The following SLURP1 variants were observed in gnomAD, a reference collection of about 807,000 sequenced individuals.
SLURP1 encodes the protein secreted LY6/PLAUR domain containing 1.
In SLURP1, 2 loss-of-function variants were observed where a neutral mutation model predicts 7.9. That is an observed-to-expected ratio of 0.25 (90% CI 0.10 to 0.79). The LOEUF is 0.79. SLURP1 is among the 30% of genes least tolerant of loss of function. The pLI is 0.69. For missense variants in SLURP1, 111 were observed against 139.8 expected (o/e 0.79, Z 1.04); for synonymous variants, 59 against 54.9 (o/e 1.07, Z -0.33).
In SLURP1 at chr8:142,741,906, G is replaced by C; in HGVS notation, c.75C>G (p.Cys25Trp). ...WSMGCGEALK[C>W]YTCKEPMTSA... Reference sequence around the variant, plus strand: ...TGGTCATGGGCTCCTTGCAGGTGTAGCACTTGAGGGCCTCACCTGGGTGAG... The same window carrying C: ...TGGTCATGGGCTCCTTGCAGGTGTACCACTTGAGGGCCTCACCTGGGTGAG... Residue 25 changes from cysteine to tryptophan, a missense_variant, in exon 2 of 3, where the codon TGC becomes TGG. Physicochemically the swap from Cys to Trp is radical, Grantham distance 215 (BLOSUM62 -2). Coordinates refer to ENST00000246515, the MANE Select transcript of SLURP1 (RefSeq NM_020427.3). This position sits in a 1 kb window ranked among gnomAD's most constrained non-coding sequence, Gnocchi z 4.3. 6.2e-7 allele frequency: 1 copy of C among 1,612,598 alleles called. No individual in the cohort carries two copies. The highest frequency in any genetic ancestry group is 8.5e-7 in the Non-Finnish European group (1 of 1,179,988).
chr8:142,742,204 G>T, intron 1 of SLURP1, 124 bp downstream of exon 1: 2 of 1,116,078 alleles, frequency 1.8e-6, no homozygotes, highest in South Asian at 1.3e-5. Context: ...AGAATGAGGA[G>T]GGTGAGCCTC....
chr8:142,741,406 A>G lies in SLURP1; in HGVS notation c.179-130T>C. The G allele has an allele frequency of 1.5e-6, 2 of 1,304,928 alleles. No homozygotes were observed. Among genetic ancestry groups the G allele is most frequent in the South Asian group, 2.9e-5 (2 of 69,444 alleles). 80.8% of individuals were successfully genotyped at this position (1,304,928 alleles called of 1,614,324 possible). A position where few individuals can be genotyped will look rare whatever the true frequency, so the allele number is the denominator to read the frequency against. On this transcript the variant is annotated intron_variant, in intron 2 of 2. Transcript: ENST00000246515. This position sits in a 1 kb window ranked among gnomAD's most constrained non-coding sequence, Gnocchi z 4.3. ...TGTTCCCAATAGTCCACATCTGTGAAGCCACCCAGGGCCCAGCCCTCCTCT... is the reference window on the plus strand; with the variant it reads ...TGTTCCCAATAGTCCACATCTGTGAGGCCACCCAGGGCCCAGCCCTCCTCT...
Position 142,741,177 on chromosome 8 carries a change from CAGA to C in SLURP1, c.275_277del (p.Phe92del). The C allele has an allele frequency of 6.2e-7, 1 of 1,608,848 alleles. No homozygotes were observed. The highest frequency in any genetic ancestry group is 8.5e-7 in the Non-Finnish European group (1 of 1,179,964). On this transcript the variant is annotated inframe_deletion, in exon 3 of 3. Coordinates refer to ENST00000246515, the MANE Select transcript of SLURP1 (RefSeq NM_020427.3). This position sits in a 1 kb window ranked among gnomAD's most constrained non-coding sequence, Gnocchi z 4.3. Reference sequence around the variant, plus strand: ...CGAGTTGCAGAGGTCTCGGAAGCAGCAGAAGATCAGGTGGGCGGCCCCGATGCT... The same window carrying C: ...CGAGTTGCAGAGGTCTCGGAAGCAGCAGATCAGGTGGGCGGCCCCGATGCT...
rs1815870799 is a variant in SLURP1 at position 142,741,662 on chromosome 8, CT to C, written c.178+140del. Reference sequence around the variant, plus strand: ...TGTGCCACCCTCGTGGAAGGCACCCCTGCCAAGGTGTGGCAGCCTGTTCTGC... The same window carrying C: ...TGTGCCACCCTCGTGGAAGGCACCCCGCCAAGGTGTGGCAGCCTGTTCTGC... On this transcript the variant is annotated intron_variant, in intron 2 of 2. Coordinates refer to ENST00000246515, the MANE Select transcript of SLURP1 (RefSeq NM_020427.3). The surrounding 1 kb of genome is among the most constrained non-coding windows in gnomAD (Gnocchi z 4.3). 1 of 1,387,516 alleles carries C rather than the reference CT, an allele frequency of 7.2e-7. No homozygotes were observed. Among genetic ancestry groups the C allele is most frequent in the South Asian group, 1.2e-5 (1 of 82,460 alleles). The allele number at this position is 1,387,516 out of a possible 1,614,324, so 86.0% of individuals were successfully genotyped here. A position where few individuals can be genotyped will look rare whatever the true frequency, so the allele number is the denominator to read the frequency against.
chr8:142,742,210 G>A (rs1815882672), intron 1 of SLURP1, 118 bp downstream of exon 1: 1 of 1,159,726 alleles, frequency 8.6e-7, no homozygotes, highest in Non-Finnish European at 1.3e-6. Flanking sequence ...AGGAGGGTGA[G>A]CCTCATGGAG....
At position 142,741,657 on chromosome 8, in the gene SLURP1, C is replaced by T; in HGVS notation, c.178+146G>A. On this transcript the variant is annotated intron_variant, in intron 2 of 2. Transcript: ENST00000246515. This position sits in a 1 kb window ranked among gnomAD's most constrained non-coding sequence, Gnocchi z 4.3. ...GGGGCTGTGCCACCCTCGTGGAAGG[C>T]ACCCCTGCCAAGGTGTGGCAGCCTG... is the stretch of plus-strand genomic sequence containing the variant. 7.5e-7 allele frequency: 1 copy of T among 1,331,544 alleles called. No homozygotes were observed. The highest frequency in any genetic ancestry group is 1.2e-5 in the South Asian group (1 of 80,396). 82.5% of individuals were successfully genotyped at this position (1,331,544 alleles called of 1,614,324 possible). A position where few individuals can be genotyped will look rare whatever the true frequency, so the allele number is the denominator to read the frequency against.
chr8:142,741,043 G>A lies in SLURP1; in HGVS notation c.*100C>T. ...CCCTCAGACCCCATGAGTGAGCTGTGCCACAGCAGCAGGAAGCAGGGGGAG... is the reference window on the plus strand; with the variant it reads ...CCCTCAGACCCCATGAGTGAGCTGTACCACAGCAGCAGGAAGCAGGGGGAG... On this transcript the variant is annotated 3_prime_UTR_variant, in exon 3 of 3. Coordinates refer to ENST00000246515, the MANE Select transcript of SLURP1 (RefSeq NM_020427.3). The surrounding 1 kb of genome is among the most constrained non-coding windows in gnomAD (Gnocchi z 4.3). 6.4e-7 allele frequency: 1 copy of A among 1,559,800 alleles called. No individual in the cohort carries two copies.
Position 142,741,856 on chromosome 8 carries a change from C to T in SLURP1, c.125G>A (p.Arg42His), listed in dbSNP as rs142285553. ...MTSASCRTIT[R>H]CKPEDTACMT... The stretch of plus-strand genomic sequence containing the variant: ...GCAGGCTGTGTCCTCTGGCTTGCAG[C>T]GGGTAATGGTCCTGCAGGAAGCACT... The change falls in exon 2 of 3, where the codon CGC becomes CAC. Residue 42 changes from arginine (R) to histidine (H), a missense_variant. Coordinates refer to ENST00000246515, the MANE Select transcript of SLURP1 (RefSeq NM_020427.3). The surrounding 1 kb of genome is among the most constrained non-coding windows in gnomAD (Gnocchi z 4.3). 57 of 1,613,204 alleles carry T rather than the reference C, an allele frequency of 3.5e-5. No individual in the cohort carries two copies. The highest frequency in any genetic ancestry group is 1.6e-4 in the Middle Eastern group (1 of 6,062).
Position 142,742,315 on chromosome 8 carries a change from GC to G in SLURP1, c.58+12del, listed in dbSNP as rs749460259. ...TCAGAGGCAGGGTCCCCACCAGCCT[GC>G]GGCCCACTCACCACAGCCCATGCTC... On this transcript the variant is annotated intron_variant, in intron 1 of 2. Transcript: ENST00000246515. The G allele has an allele frequency of 6.2e-6, 10 of 1,612,602 alleles. No individual in the cohort carries two copies. The Admixed American group carries it at 1.5e-4, about 24-fold the overall frequency.
Position 142,741,133 on chromosome 8 carries a change from C to G in SLURP1, c.*10G>C. 6.2e-7 allele frequency: 1 copy of G among 1,602,940 alleles called. No homozygotes were observed. Among genetic ancestry groups the G allele is most frequent in the South Asian group, 1.1e-5 (1 of 91,062 alleles). ...GCCTGAGGAGCACCTTCCGCCCTGC[C>G]GCCCTGGGTTCAGAGTTCCGAGTTG... On this transcript the variant is annotated 3_prime_UTR_variant, in exon 3 of 3. Transcript: ENST00000246515. This position sits in a 1 kb window ranked among gnomAD's most constrained non-coding sequence, Gnocchi z 4.3.
In SLURP1 at chr8:142,741,783, G is replaced by A. The variant is rs1168500429; in HGVS notation, c.178+20C>T. ...CCCTGACTCCAGTGCACCCAGGGCT[G>A]CCGTGGGGCCTGGCCTCACCTGCCT... On this transcript the variant is annotated intron_variant, in intron 2 of 2. Coordinates refer to ENST00000246515, the MANE Select transcript of SLURP1 (RefSeq NM_020427.3). The surrounding 1 kb of genome is among the most constrained non-coding windows in gnomAD (Gnocchi z 4.3). The A allele has an allele frequency of 8.1e-6, 13 of 1,608,786 alleles. No individual in the cohort carries two copies. Among genetic ancestry groups the A allele is most frequent in the Non-Finnish European group, 1.1e-5 (13 of 1,179,920 alleles).
At position 142,741,369 on chromosome 8, in the gene SLURP1, C is replaced by A. The variant is rs147314363; in HGVS notation, c.179-93G>T. On this transcript the variant is annotated intron_variant, in intron 2 of 2. Coordinates refer to ENST00000246515, the MANE Select transcript of SLURP1 (RefSeq NM_020427.3). This position sits in a 1 kb window ranked among gnomAD's most constrained non-coding sequence, Gnocchi z 4.3. ...AGCCGCCGTCGCCTGACCTCACCCT[C>A]CCTGTGATCCCTGTTCCCAATAGTC... 3.7e-3 allele frequency: 5,480 copies of A among 1,466,534 alleles called. 20 individuals carry two copies. Among genetic ancestry groups the A allele is most frequent in the Non-Finnish European group, 3.8e-3 (4,128 of 1,099,406 alleles). 90.8% of individuals were successfully genotyped at this position (1,466,534 alleles called of 1,614,324 possible).
Position 142,741,967 on chromosome 8 carries a change from G to A in SLURP1, c.59-45C>T. On this transcript the variant is annotated intron_variant, in intron 1 of 2. Transcript: ENST00000246515. This position sits in a 1 kb window ranked among gnomAD's most constrained non-coding sequence, Gnocchi z 4.3. ...AGAACCTCATCACCTGACCTCGGTG[G>A]CCTCATCCTGGAACCAGGAGGCAGG... 1.2e-6 allele frequency: 2 copies of A among 1,604,768 alleles called. No homozygotes were observed. The highest frequency in any genetic ancestry group is 1.7e-6 in the Non-Finnish European group (2 of 1,179,540).
Sources: gnomAD v4.1 joint callset for allele counts on GRCh38, gnomAD v4.1.1 for gene constraint, Gnocchi (gnomAD v3.1) non-coding constraint, MANE v1.5 for transcripts, NCBI Gene and HGNC (gene_info 2026-07-23, HGNC 2026-07-21) for gene names.